The following DGKH variants were observed in gnomAD, a reference collection of about 807,000 sequenced individuals.
DGKH encodes diacylglycerol kinase eta.
DGKH carries 90 observed loss-of-function variants against 159.3 expected under a neutral mutation model. That is an observed-to-expected ratio of 0.57 (90% CI 0.48 to 0.67). The LOEUF (loss-of-function observed/expected upper bound fraction) is 0.67, where lower values mean the gene tolerates loss of function less well. Ranked by LOEUF, DGKH falls within the 30% of genes least tolerant of loss-of-function variation. The probability of loss-of-function intolerance (pLI) is 0.00; values close to 1 mark genes in which losing one functional copy is unlikely to be tolerated. For synonymous variants in DGKH, 536 were observed against 553.8 expected, an observed-to-expected ratio of 0.97 and a Z score of 0.45; for missense variants, 1,181 against 1,506.1, an observed-to-expected ratio of 0.78 and a Z score of 3.57.
intron 1 of DGKH, among the ~76,000 whole-genome samples, chr13:42,056,748 A>G (rs1244219851): frequency 6.6e-6 from 1 of 152,140 alleles, no homozygotes; most frequent in African/African-American, 2.4e-5. Context: ...AATCTACAGC[A>G]TGCAATCATG....
rs1261931316 is a variant in DGKH at position 42,160,090 on chromosome 13, G to A, written c.809G>A (p.Ser270Asn). The A allele has an allele frequency of 6.2e-7, 1 of 1,614,260 alleles. No homozygotes were observed. The highest frequency in any genetic ancestry group is 1.7e-5 in the Admixed American group (1 of 60,038). The change falls in exon 7 of 30, where the codon AGT becomes AAT. Residue 270 changes from serine (S) to asparagine (N), a missense_variant. Coordinates refer to ENST00000337343, the MANE Select transcript of DGKH (RefSeq NM_178009.5). ...GCTGTCTGCGACAAAACATGTGGCA[G>A]TGTTCTCCGTCTACAGGATTGGAAA... ...KCAVCDKTCG[S>N]VLRLQDWKCL...
At chr13:42,085,487 A>G (rs1954285609) in intron 1 of DGKH, among the ~76,000 whole-genome samples, 1 of 152,216 alleles carries the variant, frequency 6.6e-6, no homozygotes, top group South Asian at 2.1e-4. Context: ...GGTTCTGACC[A>G]TTCTCAAAAT....
At chr13:42,225,550 G>A (rs1039127767) in intron 29 of DGKH, among the ~76,000 whole-genome samples, 1 of 152,046 alleles carries the variant, frequency 6.6e-6, no homozygotes, top group Non-Finnish European at 1.5e-5. Context: ...CAAGGCAGGT[G>A]GATCATGAGG....
intron 24 of DGKH, 21 bp from the exon 25 acceptor site, chr13:42,214,486 T>C: frequency 6.3e-7 from 1 of 1,598,200 alleles, no homozygotes; most frequent in Non-Finnish European, 8.5e-7. Context: ...TTTTATTCAT[T>C]TGTTTCATTT....
intron 1 of DGKH, among the ~76,000 whole-genome samples, chr13:42,061,575 C>T (rs1882171449): frequency 6.6e-6 from 1 of 152,198 alleles, no homozygotes; most frequent in Admixed American, 6.5e-5. Flanking sequence ...ACCCTAACTT[C>T]ATTTAACCTT....
chr13:42,050,725 C>T (rs912170046), intron 1 of DGKH, among the ~76,000 whole-genome samples: 4 of 151,978 alleles, frequency 2.6e-5, no homozygotes, highest in African/African-American at 4.8e-5. Context: ...CATGGTGGCT[C>T]ACGCCTGTAA....
At chr13:42,172,922 G>A (rs560389990) in intron 11 of DGKH, among the ~76,000 whole-genome samples, 40 of 152,014 alleles carry the variant, frequency 2.6e-4, no homozygotes, top group Middle Eastern at 6.8e-3. Context: ...TGATCCACCT[G>A]CCATGGCCTC....
rs57139526 is a variant in DGKH at position 42,146,150 on chromosome 13, C to CTTTTTTTTT, written c.385-9131_385-9123dup. 5.9e-4 allele frequency among the ~76,000 whole-genome samples: 65 copies of CTTTTTTTTT among 110,262 alleles called. 1 individual carries two copies. The highest frequency in any genetic ancestry group is 8.4e-4 in the Non-Finnish European group (47 of 56,254). 72.3% of individuals were successfully genotyped at this position (110,262 alleles called of 152,430 possible). A position where few individuals can be genotyped will look rare whatever the true frequency, so the allele number is the denominator to read the frequency against. On this transcript the variant is annotated intron_variant, in intron 3 of 29. Transcript: ENST00000337343. ...TGTAAGAGTTCAGATTCTGGGGAGG[C>CTTTTTTTTT]TTTTTTTTTTTTTTTTTTGTACAGG...
intron 1 of DGKH, among the ~76,000 whole-genome samples, chr13:42,041,186 C>G (rs1255930942): frequency 2.0e-5 from 3 of 152,186 alleles, no homozygotes; most frequent in African/African-American, 7.2e-5. Context: ...GACCGTTTCC[C>G]GGCTTCACCG....
At chr13:42,077,762 A>T (rs1954127186) in intron 1 of DGKH, among the ~76,000 whole-genome samples, 1 of 152,222 alleles carries the variant, frequency 6.6e-6, no homozygotes, top group Admixed American at 6.5e-5. Flanking sequence ...GACCATCCAG[A>T]TTTAAAGGCT....
At chr13:42,096,137 T>A (rs1954528004) in intron 1 of DGKH, among the ~76,000 whole-genome samples, 1 of 152,076 alleles carries the variant, frequency 6.6e-6, no homozygotes, top group Non-Finnish European at 1.5e-5. Flanking sequence ...CATGTGCAGG[T>A]TTGTTACCCG....
intron 26 of DGKH, among the ~76,000 whole-genome samples, chr13:42,218,161 G>A (rs1957854778): frequency 6.6e-6 from 1 of 152,084 alleles, no homozygotes; most frequent in Admixed American, 6.6e-5. Flanking sequence ...GAATCCAATC[G>A]ACTGCCTTCC....
intron 1 of DGKH, among the ~76,000 whole-genome samples, chr13:42,107,096 A>G (rs573499413): frequency 3.3e-4 from 50 of 152,392 alleles, no homozygotes; most frequent in African/African-American, 1.1e-3. Context: ...GTGTGAATCT[A>G]TTGCAATTTA....
chr13:42,061,988 G>T lies in DGKH; in HGVS notation c.192+13023G>T, dbSNP rs77869857. 4.2e-3 allele frequency among the ~76,000 whole-genome samples: 627 copies of T among 149,772 alleles called. 14 individuals are homozygous for T. Among genetic ancestry groups the T allele is most frequent in the Admixed American group, 0.027 (405 of 15,004 alleles). On this transcript the variant is annotated intron_variant, in intron 1 of 29. Transcript: ENST00000337343. The stretch of plus-strand genomic sequence containing the variant: ...GAGAAAGATGGAGAGTGTGTGTGTG[G>T]GTGTGTGTGTGTGTGTGTGTGTAAA...
At position 42,160,042 on chromosome 13, in the gene DGKH, A is replaced by G; in HGVS notation, c.761A>G (p.Asn254Ser). The G allele has an allele frequency of 1.2e-6, 2 of 1,613,968 alleles. No individual in the cohort carries two copies. Among genetic ancestry groups the G allele is most frequent in the Non-Finnish European group, 1.7e-6 (2 of 1,180,012 alleles). The change falls in exon 7 of 30, where the codon AAC (asparagine) becomes AGC (serine). Residue 254 changes from asparagine to serine, a missense_variant. Transcript: ENST00000337343. Reference protein sequence around the residue: ...VAMPHQWLEGNLPVSAKCAVC... With the variant: ...VAMPHQWLEGSLPVSAKCAVC... ...ATGCCTCACCAGTGGCTTGAGGGCA[A>G]CCTGCCTGTAAGTGCCAAGTGTGCT... is the stretch of plus-strand genomic sequence containing the variant.
intron 3 of DGKH, among the ~76,000 whole-genome samples, chr13:42,134,902 G>A (rs1299486896): frequency 2.0e-5 from 3 of 152,078 alleles, no homozygotes; most frequent in South Asian, 2.1e-4. Flanking sequence ...GCTTGAACCC[G>A]GGAAGCGGAG....
intron 2 of DGKH, among the ~76,000 whole-genome samples, chr13:42,128,900 T>TTGCGGTGCACCGTTATCCC (rs1338315914): frequency 1.3e-5 from 2 of 152,318 alleles, no homozygotes; most frequent in East Asian, 3.9e-4. Flanking sequence ...TCCGCAGTTC[T>TTGCGGTGCACCGTTATCCC]TGCGGTGCAC....
chr13:42,103,062 C>G (rs189650641), intron 1 of DGKH, among the ~76,000 whole-genome samples: 43 of 152,314 alleles, frequency 2.8e-4, no homozygotes, highest in Admixed American at 1.2e-3. Context: ...GTGGACTGCT[C>G]AAATGAGATT....
chr13:42,202,219 CA>C (rs1957364352), intron 20 of DGKH, among the ~76,000 whole-genome samples: 1 of 152,044 alleles, frequency 6.6e-6, no homozygotes, highest in African/African-American at 2.4e-5. Flanking sequence ...CCATCATTAA[CA>C]AAAAATAGTA....
Sources: allele counts gnomAD v4.1 joint callset (sites outside exome capture counted in the v4.1 genomes callset), GRCh38; gene constraint gnomAD v4.1.1; transcripts MANE v1.5; gene names NCBI Gene and HGNC (gene_info 2026-07-23, HGNC 2026-07-21).